The following NCR1 variants were observed in gnomAD, a reference collection of about 807,000 sequenced individuals.
NCR1 encodes the protein NK cell-activating receptor.
Under a neutral mutation model 32.5 loss-of-function variants are expected in NCR1, and 30 were observed. The observed-to-expected ratio is 0.92, with a 90% CI of 0.69 to 1.25. NCR1 has a LOEUF of 1.25. NCR1 is among the 50% of genes most tolerant of loss of function. NCR1 has a pLI of 0.00. For synonymous variants in NCR1, 169 were observed against 143.4 expected (o/e 1.18, Z -1.28); for missense variants, 369 against 380.7 (o/e 0.97, Z 0.26).
chr19:54,898,857 G>C, the NCR1 span, among the ~76,000 whole-genome samples: 1 of 152,140 alleles, frequency 6.6e-6, no homozygotes, highest in African/African-American at 2.4e-5. Flanking sequence ...TTGGGGGAGG[G>C]CTAGTCATGG....
the NCR1 span, among the ~76,000 whole-genome samples, chr19:54,937,264 A>C: frequency 6.6e-6 from 1 of 151,942 alleles, no homozygotes; most frequent in South Asian, 2.1e-4. Flanking sequence ...AAAACAACTA[A>C]GGGGTACTAG....
At chr19:54,933,660 G>C in the NCR1 span, 7 of 1,614,036 alleles carry the variant, frequency 4.3e-6, no homozygotes, top group African/African-American at 5.3e-5. Context: ...GCCAAGCACA[G>C]GTGTGTCAGC....
chr19:54,933,554 C>T, the NCR1 span: 1 of 1,613,664 alleles, frequency 6.2e-7, no homozygotes. Flanking sequence ...ACACACACAC[C>T]CAGCAGGGAC....
At chr19:54,930,497 A>G in the NCR1 span, 3 of 1,596,592 alleles carry the variant, frequency 1.9e-6, no homozygotes, top group East Asian at 2.2e-5. Context: ...AAAATCGCCT[A>G]CCGTAGGTGT....
chr19:54,927,234 A>T, the NCR1 span, among the ~76,000 whole-genome samples: 2,362 of 151,992 alleles, frequency 0.016, 47 homozygotes, highest in African/African-American at 0.052. Context: ...CTAAAAAATT[A>T]GCCAGGCATG....
intron 5 of NCR1, among the ~76,000 whole-genome samples, chr19:54,911,266 G>A (rs373202810): frequency 0.012 from 1,807 of 151,452 alleles, 23 homozygotes; most frequent in South Asian, 0.062. Context: ...GGAGAATGGC[G>A]TGAACCCGGG....
In NCR1 at chr19:54,909,392, A is replaced by T. The variant is rs1339857674; in HGVS notation, c.503A>T (p.Tyr168Phe). The change falls in exon 4 of 7, where the codon TAC becomes TTC. Residue 168 changes from tyrosine (Y) to phenylalanine (F), a missense_variant. Tyr to Phe is a conservative substitution (Grantham distance 22, BLOSUM62 3). Transcript: ENST00000291890. ...EGRSSHVQRG[Y>F]GKVQAEFPLG... Reference sequence around the variant, plus strand: ...AGATCCAGCCACGTACAGCGCGGATACGGGAAGGTCCAGGCGGAGTTCCCC... The same window carrying T: ...AGATCCAGCCACGTACAGCGCGGATTCGGGAAGGTCCAGGCGGAGTTCCCC... 6.2e-7 allele frequency: 1 copy of T among 1,613,964 alleles called. No individual in the cohort carries two copies. Among genetic ancestry groups the T allele is most frequent in the East Asian group, 2.2e-5 (1 of 44,880 alleles).
chr19:54,906,589 C>A lies in NCR1; in HGVS notation c.137C>A (p.Thr46Asn). 1 of 1,613,948 alleles carries A rather than the reference C, an allele frequency of 6.2e-7. No individual in the cohort carries two copies. Among genetic ancestry groups the A allele is most frequent in the Non-Finnish European group, 8.5e-7 (1 of 1,180,050 alleles). ...HFMVPKEKQV[T>N]ICCQGNYGAV... ...ATGGTTCCAAAGGAAAAGCAAGTGA[C>A]CATCTGTTGCCAGGGAAATTATGGG... is the stretch of plus-strand genomic sequence containing the variant. The change falls in exon 3 of 7, where the codon ACC becomes AAC. Residue 46 changes from threonine (T) to asparagine (N), a missense_variant. By Grantham distance (65) the Thr-to-Asn change is moderately conservative (BLOSUM62 0). Coordinates refer to ENST00000291890, the MANE Select transcript of NCR1 (RefSeq NM_004829.7).
At chr19:54,902,335 T>C (rs2146004421), upstream of NCR1, among the ~76,000 whole-genome samples, 1 of 152,044 alleles carries the variant, frequency 6.6e-6, no homozygotes, top group Middle Eastern at 3.4e-3. Context: ...GGTAACACTC[T>C]GTCACCCAGG....
At chr19:54,935,698 A>G in the NCR1 span, among the ~76,000 whole-genome samples, 19 of 147,084 alleles carry the variant, frequency 1.3e-4, no homozygotes, top group Non-Finnish European at 2.1e-4. Context: ...CTCAAAGAAA[A>G]AAAAAAAAAA....
At chr19:54,902,749 G>A (rs79309032), upstream of NCR1, among the ~76,000 whole-genome samples, 8,555 of 152,190 alleles carry the variant, frequency 0.056, 300 homozygotes, top group Middle Eastern at 0.12. Context: ...CAAGCGCTCC[G>A]TAGGGGGAAG....
upstream of NCR1, among the ~76,000 whole-genome samples, chr19:54,901,280 A>C (rs147198596): frequency 4.0e-5 from 6 of 150,238 alleles, no homozygotes; most frequent in African/African-American, 1.5e-4. Context: ...AGAATGGCAT[A>C]AACCCCGGAG....
chr19:54,908,642 G>A (rs1198188901), intron 3 of NCR1, among the ~76,000 whole-genome samples: 1 of 138,880 alleles, frequency 7.2e-6, no homozygotes, highest in Admixed American at 8.0e-5. Context: ...GGACGGGGCG[G>A]CTGGCCGGGG....
chr19:54,917,426 TCTC>T (rs747270205), downstream of NCR1, among the ~76,000 whole-genome samples: 12 of 151,648 alleles, frequency 7.9e-5, no homozygotes, highest in Non-Finnish European at 1.5e-4. Context: ...GTCTAGCGAT[TCTC>T]CTGCCTCAGC....
the NCR1 span, among the ~76,000 whole-genome samples, chr19:54,928,511 A>G: frequency 6.6e-6 from 1 of 152,210 alleles, no homozygotes; most frequent in South Asian, 2.1e-4. Context: ...GACAGCAGAC[A>G]TCTCGATATG....
the NCR1 span, chr19:54,936,552 T>A: frequency 1.1e-6 from 1 of 877,232 alleles, no homozygotes; most frequent in Non-Finnish European, 1.9e-6. Flanking sequence ...CCGGGTGCAG[T>A]GGCTCGTGTC....
the NCR1 span, among the ~76,000 whole-genome samples, chr19:54,932,902 TCAC>T: frequency 6.6e-6 from 1 of 152,044 alleles, no homozygotes; most frequent in African/African-American, 2.4e-5. Flanking sequence ...TGCCCACCAT[TCAC>T]CACCTGTTCC....
chr19:54,910,677 C>T (rs2067926417), intron 5 of NCR1, among the ~76,000 whole-genome samples: 1 of 152,140 alleles, frequency 6.6e-6, no homozygotes, highest in South Asian at 2.1e-4. Context: ...CTTGACTGTG[C>T]AGCACTTAGA....
the NCR1 span, among the ~76,000 whole-genome samples, chr19:54,932,500 G>A: frequency 3.3e-5 from 5 of 151,834 alleles, no homozygotes; most frequent in African/African-American, 4.8e-5. Context: ...TCAACCCTAT[G>A]CAATCTCTTG....
Sources: gnomAD v4.1 joint callset for allele counts (sites outside exome capture counted in the v4.1 genomes callset) on GRCh38, gnomAD v4.1.1 for gene constraint, MANE v1.5 for transcripts, NCBI Gene and HGNC (gene_info 2026-07-23, HGNC 2026-07-21) for gene names.